The following POLN variants were observed in gnomAD, a reference collection of about 807,000 sequenced individuals.
POLN encodes DNA polymerase N.
A neutral mutation model predicts 113.5 loss-of-function variants in POLN; 108 were observed. The observed-to-expected ratio is 0.95, with a 90% CI of 0.81 to 1.12. The LOEUF (loss-of-function observed/expected upper bound fraction) is 1.12. Ranked by LOEUF, POLN falls within the 50% of genes most tolerant of loss-of-function variation. POLN has a pLI of 0.00. For missense variants in POLN, 1,097 were observed against 1,077.1 expected (o/e 1.02, Z -0.26); for synonymous variants, 386 against 391.5 (o/e 0.99, Z 0.17).
chr4:2,184,383 T>C (rs1733221155), intron 7 of POLN, among the ~76,000 whole-genome samples: 1 of 151,938 alleles, frequency 6.6e-6, no homozygotes, highest in African/African-American at 2.4e-5. Flanking sequence ...CAAAAAACAA[T>C]AGTATAGCAT....
At chr4:2,179,690 C>T (rs1029103568) in intron 7 of POLN, among the ~76,000 whole-genome samples, 6 of 152,152 alleles carry the variant, frequency 3.9e-5, no homozygotes, top group African/African-American at 1.4e-4. Context: ...GTGGGTGTCA[C>T]ATTAAAGAGG....
intron 2 of POLN, among the ~76,000 whole-genome samples, chr4:2,233,147 A>C (rs1206197402): frequency 6.6e-6 from 1 of 152,214 alleles, no homozygotes; most frequent in Non-Finnish European, 1.5e-5. Flanking sequence ...TTGAAAATCA[A>C]GTAATTTCGA....
At chr4:2,161,158 C>T (rs1425848953) in intron 13 of POLN, among the ~76,000 whole-genome samples, 1 of 152,240 alleles carries the variant, frequency 6.6e-6, no homozygotes, top group Non-Finnish European at 1.5e-5. Flanking sequence ...GCCTGGGCTC[C>T]CACTTTGGCG....
intron 13 of POLN, among the ~76,000 whole-genome samples, chr4:2,169,598 C>T (rs1732811316): frequency 6.6e-6 from 1 of 152,132 alleles, no homozygotes; most frequent in Admixed American, 6.5e-5. Context: ...CACACTGAAG[C>T]CTTACAAGAT....
chr4:2,223,636 T>C (rs1577784967), intron 3 of POLN, among the ~76,000 whole-genome samples: 1 of 152,210 alleles, frequency 6.6e-6, no homozygotes, highest in Non-Finnish European at 1.5e-5. Context: ...TCCTAAGCTG[T>C]ATGATCTAGC....
intron 5 of POLN, among the ~76,000 whole-genome samples, chr4:2,207,056 T>A (rs1167942725): frequency 3.9e-5 from 6 of 152,242 alleles, no homozygotes; most frequent in Admixed American, 1.3e-4. Context: ...TATGATGGAA[T>A]ACTACTCAGC....
intron 13 of POLN, among the ~76,000 whole-genome samples, chr4:2,159,473 A>C (rs1035760096): frequency 2.6e-5 from 4 of 152,242 alleles, no homozygotes; most frequent in Non-Finnish European, 5.9e-5. Flanking sequence ...AGCGAAATCT[A>C]AATCCAGGGT....
chr4:2,179,506 A>C (rs1733081117), intron 7 of POLN, 41 bp from the exon 8 acceptor site: 1 of 1,590,746 alleles, frequency 6.3e-7, no homozygotes, highest in African/African-American at 1.4e-5. Context: ...AAGAAAAACC[A>C]ATAGTTGTTT....
intron 3 of POLN, among the ~76,000 whole-genome samples, chr4:2,225,300 G>A (rs2146516): frequency 6.6e-6 from 1 of 151,686 alleles, no homozygotes; most frequent in Non-Finnish European, 1.5e-5. Flanking sequence ...AAAAATTTAA[G>A]AAAAATGTCT....
chr4:2,191,260 G>A (rs962205206), intron 7 of POLN, among the ~76,000 whole-genome samples: 1 of 152,118 alleles, frequency 6.6e-6, no homozygotes, highest in Admixed American at 6.5e-5. Flanking sequence ...GATAAATATC[G>A]CTCATATGTA....
intron 3 of POLN, among the ~76,000 whole-genome samples, chr4:2,225,376 G>A (rs868030372): frequency 1.2e-4 from 18 of 151,836 alleles, no homozygotes; most frequent in East Asian, 9.7e-4. Flanking sequence ...CCAACATGGC[G>A]AAACCCCGTC....
rs1317952244 is a variant in POLN, at chr4:2,177,160, AG to A, written c.1180-827del. The A allele has an allele frequency of 5.6e-5, 16 of 285,090 alleles. No individual in the cohort carries two copies. In the East Asian group the frequency reaches 1.1e-3, roughly 19 times the overall value. The allele number at this position is 285,090 out of a possible 1,614,324, so 17.7% of individuals were successfully genotyped here. A position where few individuals can be genotyped will look rare whatever the true frequency, so the allele number is the denominator to read the frequency against. ...GGCAGAATTCTACCTGGCTGCCTGC[AG>A]GAGCCTTCCACACCCCAAAACTGAC... On this transcript the variant is annotated intron_variant, in intron 8 of 25. Transcript: ENST00000511885.
At chr4:2,232,063 G>A (rs1734600528) in intron 2 of POLN, 1 of 1,590,656 alleles carries the variant, frequency 6.3e-7, no homozygotes, top group Non-Finnish European at 8.6e-7. Flanking sequence ...ATTTGCCAAA[G>A]TTTTTCTTTT....
intron 3 of POLN, among the ~76,000 whole-genome samples, chr4:2,222,414 G>A (rs1240798882): frequency 2.6e-5 from 4 of 151,994 alleles, no homozygotes; most frequent in African/African-American, 9.7e-5. Flanking sequence ...AAACTAGCCG[G>A]GCATGCACAC....
intron 19 of POLN, among the ~76,000 whole-genome samples, chr4:2,117,122 T>C (rs1731334796): frequency 6.6e-6 from 1 of 152,214 alleles, no homozygotes; most frequent in Non-Finnish European, 1.5e-5. Flanking sequence ...TGATTCGGGA[T>C]TGTGGCCCAG....
chr4:2,159,042 T>G, intron 14 of POLN, 113 bp downstream of exon 14: 2 of 820,094 alleles, frequency 2.4e-6, no homozygotes, highest in Non-Finnish European at 4.2e-6. Flanking sequence ...TCTATTCCCC[T>G]GAGAACACTG....
intron 5 of POLN, among the ~76,000 whole-genome samples, chr4:2,204,539 G>C (rs1249251763): frequency 6.6e-6 from 1 of 152,148 alleles, no homozygotes; most frequent in Non-Finnish European, 1.5e-5. Flanking sequence ...TGATCCTATT[G>C]ACACTATTCC....
chr4:2,177,247 G>A (rs1177546695), intron 8 of POLN: 1 of 466,004 alleles, frequency 2.1e-6, no homozygotes, highest in Non-Finnish European at 4.3e-6. Context: ...TGGCACAGCT[G>A]CACGAGGAGC....
At chr4:2,220,331 G>A (rs1734225303) in intron 3 of POLN, among the ~76,000 whole-genome samples, 1 of 152,158 alleles carries the variant, frequency 6.6e-6, no homozygotes, top group Non-Finnish European at 1.5e-5. Flanking sequence ...CCACTTCCCA[G>A]CTACTTCTGC....
Sources: allele counts gnomAD v4.1 joint callset (sites outside exome capture counted in the v4.1 genomes callset), GRCh38; gene constraint gnomAD v4.1.1; transcripts MANE v1.5; gene names NCBI Gene and HGNC (gene_info 2026-07-23, HGNC 2026-07-21).